ARGFX: variants seen among roughly 807,000 people sequenced by gnomAD.
ARGFX encodes arginine-fifty homeobox.
In ARGFX, 10 loss-of-function variants were observed where a neutral mutation model predicts 8.0. The ratio of observed to expected loss-of-function variants is 1.25; its 90% CI spans 0.77 to 2.12. The LOEUF (loss-of-function observed/expected upper bound fraction) is 2.12. Among genes scored for constraint, ARGFX ranks in the 30% most tolerant of loss-of-function variants. The pLI is 0.00. For synonymous variants in ARGFX, 116 were observed against 117.8 expected, an observed-to-expected ratio of 0.98 and a Z score of 0.10; for missense variants, 282 against 324.3, an observed-to-expected ratio of 0.87 and a Z score of 1.00.
rs1427193571 is a variant in ARGFX, at chr3:121,589,423, C to CCCAGTCT, written c.*2823_*2824insCCAGTCT. Among the ~76,000 whole-genome samples the CCCAGTCT allele has an allele frequency of 6.6e-6, 1 of 152,056 alleles. No homozygotes were observed. The highest frequency in any genetic ancestry group is 6.6e-5 in the Admixed American group (1 of 15,236). ...TTTTTTATTGAGATGGAGTCTTGCT[C>CCCAGTCT]TGTCACCCAGGCCGTGCAATCTCGG... On this transcript the variant is annotated 3_prime_UTR_variant, in exon 5 of 5. Transcript: ENST00000334384.
intron 3 of ARGFX, among the ~76,000 whole-genome samples, chr3:121,578,404 G>A (rs2108836858): frequency 6.6e-6 from 1 of 152,192 alleles, no homozygotes; most frequent in Admixed American, 6.5e-5. Flanking sequence ...TGGGATTACA[G>A]GTGTGAGCCA....
In ARGFX at chr3:121,567,967, A is replaced by G. The variant is rs1443553771; in HGVS notation, c.-59A>G. Among the ~76,000 whole-genome samples, 2 of 152,168 alleles carry G rather than the reference A, an allele frequency of 1.3e-5. No individual in the cohort carries two copies. Among genetic ancestry groups the G allele is most frequent in the Non-Finnish European group, 2.9e-5 (2 of 68,038 alleles). ...GGAAACTGCATTTCCAGAGAGAGAC[A>G]CACCACGTAGGACTGAAAATGGTTA... On this transcript the variant is annotated 5_prime_UTR_variant, in exon 1 of 5. Coordinates refer to ENST00000334384, the MANE Select transcript of ARGFX (RefSeq NM_001012659.2).
intron 3 of ARGFX, among the ~76,000 whole-genome samples, chr3:121,583,669 G>T (rs1369005706): frequency 6.6e-6 from 1 of 151,800 alleles, no homozygotes; most frequent in Non-Finnish European, 1.5e-5. Context: ...TGGGACCACA[G>T]GTACATGCAA....
intron 3 of ARGFX, among the ~76,000 whole-genome samples, chr3:121,581,349 A>T (rs541037757): frequency 6.6e-6 from 1 of 152,336 alleles, no homozygotes; most frequent in Admixed American, 6.5e-5. Flanking sequence ...AAAATGTAAC[A>T]ATTTTGTTAA....
At chr3:121,575,956 G>A (rs1314010875) in intron 2 of ARGFX, among the ~76,000 whole-genome samples, 1 of 151,712 alleles carries the variant, frequency 6.6e-6, no homozygotes, top group Non-Finnish European at 1.5e-5. Context: ...TGAAATAAAT[G>A]TAGGACAAAG....
chr3:121,576,707 T>TTTTCTTTC (rs200520122), intron 2 of ARGFX, 77 bp from the exon 3 acceptor site: 2,543 of 248,996 alleles, frequency 0.01, 39 homozygotes, highest in South Asian at 0.02. Context: ...CTTTCTTTCT[T>TTTTCTTTC]TTTCTTTCTT....
chr3:121,578,120 CTTTT>C (rs35072728), intron 3 of ARGFX, among the ~76,000 whole-genome samples: 105 of 113,090 alleles, frequency 9.3e-4, no homozygotes, highest in South Asian at 8.1e-3. Flanking sequence ...CCCTACCCCA[CTTTT>C]TTTTTTTTTT....
rs367950669 is a variant in ARGFX at position 121,584,915 on chromosome 3, A to G, written c.221-2A>G. On this transcript the variant is annotated splice_acceptor_variant, in intron 3 of 4. Transcript: ENST00000334384. LOFTEE classifies it high-confidence loss of function. ...CACCCCTTCTTTATCTCTGCCCTGA[A>G]GCAATACGGAGAAGGCATAAAGAAC... 1.0e-4 allele frequency: 162 copies of G among 1,611,264 alleles called. No homozygotes were observed. Among genetic ancestry groups the G allele is most frequent in the Non-Finnish European group, 1.3e-4 (152 of 1,179,364 alleles).
At chr3:121,577,201 G>GTATA (rs57336438) in intron 3 of ARGFX, among the ~76,000 whole-genome samples, 22 of 110,174 alleles carry the variant, frequency 2.0e-4, no homozygotes, top group Admixed American at 1.2e-3. Context: ...ATGTGTGTAT[G>GTATA]TATATATATA....
At chr3:121,577,255 A>ATT (rs1328015610) in intron 3 of ARGFX, among the ~76,000 whole-genome samples, 3,633 of 55,326 alleles carry the variant, frequency 0.066, 93 homozygotes, top group Non-Finnish European at 0.092. Flanking sequence ...ATATATATAT[A>ATT]TATATTTTTT....
intron 1 of ARGFX, among the ~76,000 whole-genome samples, chr3:121,569,946 A>G (rs2048697623): frequency 6.6e-6 from 1 of 152,236 alleles, no homozygotes; most frequent in Non-Finnish European, 1.5e-5. Context: ...TTAACCATAT[A>G]TATTATTTTG....
rs143545203 is a variant in ARGFX, at chr3:121,584,073, G to A, written c.221-844G>A. The stretch of plus-strand genomic sequence containing the variant: ...TAGTGCCTGTAGTCCTAGCTACTCA[G>A]GAGGATGAAGCCAGAGGATTGCAGG... On this transcript the variant is annotated intron_variant, in intron 3 of 4. Coordinates refer to ENST00000334384, the MANE Select transcript of ARGFX (RefSeq NM_001012659.2). Among the ~76,000 whole-genome samples, 51 of 152,168 alleles carry A rather than the reference G, an allele frequency of 3.4e-4. No homozygotes were observed. The East Asian group carries it at 9.9e-3, about 29-fold the overall frequency.
rs2048831734 is a variant in ARGFX, at chr3:121,589,208, T to C, written c.*2608T>C. 6.6e-6 allele frequency among the ~76,000 whole-genome samples: 1 copy of C among 151,838 alleles called. No homozygotes were observed. Among genetic ancestry groups the C allele is most frequent in the Non-Finnish European group, 1.5e-5 (1 of 67,966 alleles). ...TAAATAGAAGAAATCATGAGTAAAA[T>C]TGGAAAACACTTTTAACTGAAAAAA... On this transcript the variant is annotated 3_prime_UTR_variant, in exon 5 of 5. Coordinates refer to ENST00000334384, the MANE Select transcript of ARGFX (RefSeq NM_001012659.2).
chr3:121,572,137 C>T (rs113685765), intron 2 of ARGFX, among the ~76,000 whole-genome samples: 41,846 of 151,346 alleles, frequency 0.28, 6,218 homozygotes, highest in East Asian at 0.62. Context: ...CGGCTGACTC[C>T]TGACCTTGTG....
intron 1 of ARGFX, among the ~76,000 whole-genome samples, chr3:121,568,222 C>T (rs749601353): frequency 1.3e-5 from 2 of 152,278 alleles, no homozygotes; most frequent in Non-Finnish European, 2.9e-5. Flanking sequence ...ATGTGAGACT[C>T]CTTACTTACT....
intron 2 of ARGFX, 65 bp downstream of exon 2, chr3:121,570,881 T>A: frequency 3.7e-6 from 4 of 1,066,776 alleles, no homozygotes; most frequent in Non-Finnish European, 3.9e-6. Flanking sequence ...AGCCCTACAA[T>A]TGCATTTTGC....
At chr3:121,576,482 G>C (rs2048736637) in intron 2 of ARGFX, among the ~76,000 whole-genome samples, 1 of 152,016 alleles carries the variant, frequency 6.6e-6, no homozygotes, top group African/African-American at 2.4e-5. Flanking sequence ...GGGATTACAG[G>C]TGTGCGCCAC....
chr3:121,577,624 A>T (rs1293900068), intron 3 of ARGFX, among the ~76,000 whole-genome samples: 1 of 151,988 alleles, frequency 6.6e-6, no homozygotes, highest in Non-Finnish European at 1.5e-5. Flanking sequence ...ACATACTCTA[A>T]ACTAAAATAA....
intron 3 of ARGFX, among the ~76,000 whole-genome samples, chr3:121,584,420 T>A (rs2048799756): frequency 6.6e-6 from 1 of 152,146 alleles, no homozygotes; most frequent in South Asian, 2.1e-4. Flanking sequence ...TTATTCCTAG[T>A]TTTTTCTATT....
Sources: gnomAD v4.1 joint callset for allele counts (sites outside exome capture counted in the v4.1 genomes callset) on GRCh38, gnomAD v4.1.1 for gene constraint, MANE v1.5 for transcripts, NCBI Gene and HGNC (gene_info 2026-07-23, HGNC 2026-07-21) for gene names.